The following SPG7 variants were observed in gnomAD, a reference collection of about 807,000 sequenced individuals.
The protein encoded by SPG7 is mitochondrial inner membrane m-AAA protease component paraplegin.
In SPG7, 103 loss-of-function variants were observed where a neutral mutation model predicts 81.9. That is an observed-to-expected ratio of 1.26 (90% CI 1.07 to 1.48). The LOEUF (loss-of-function observed/expected upper bound fraction) is 1.48, where lower values mean the gene tolerates loss of function less well. Among genes scored for constraint, SPG7 ranks in the 40% most tolerant of loss-of-function variants. The pLI, the probability that SPG7 is intolerant of heterozygous loss-of-function variation, is 0.00. For missense variants in SPG7, 1,241 were observed against 1,087.3 expected (o/e 1.14, Z -1.99); for synonymous variants, 534 against 444.2 (o/e 1.20, Z -2.54).
At chr16:89,524,914 G>T (rs1178529648) in intron 4 of SPG7, among the ~76,000 whole-genome samples, 1 of 151,882 alleles carries the variant, frequency 6.6e-6, no homozygotes, top group African/African-American at 2.4e-5. Context: ...CCCTTTGCTG[G>T]GTTACTCAGG....
intron 13 of SPG7, chr16:89,552,689 C>T (rs536624991): frequency 4.6e-5 from 20 of 437,056 alleles, no homozygotes; most frequent in South Asian, 2.3e-4. Context: ...ACTTGTCCTT[C>T]GCCTCTCAGC....
chr16:89,533,892 G>A (rs1449481098), intron 9 of SPG7: 1 of 152,154 alleles, frequency 6.6e-6, no homozygotes, highest in Non-Finnish European at 1.5e-5. Context: ...CCAGCTGTTG[G>A]GGAGGCCGAG....
At chr16:89,531,361 A>T (rs764114220) in intron 7 of SPG7, 5 of 187,170 alleles carry the variant, frequency 2.7e-5, no homozygotes, top group Non-Finnish European at 5.7e-5. Context: ...TCTCTGCAAA[A>T]CATTTTTTTA....
At chr16:89,528,921 C>T (rs2058304682) in intron 5 of SPG7, 1 of 184,916 alleles carries the variant, frequency 5.4e-6, no homozygotes, top group South Asian at 1.0e-4. Flanking sequence ...AAGCATTTCT[C>T]CTGCCTCAGC....
chr16:89,517,308 G>A (rs2058112007), intron 3 of SPG7: 1 of 151,496 alleles, frequency 6.6e-6, no homozygotes, highest in Admixed American at 6.6e-5. Flanking sequence ...GGCAGCCTCC[G>A]TTGTCATGGT....
intron 6 of SPG7, chr16:89,529,897 C>T (rs368207552): frequency 6.5e-5 from 25 of 383,730 alleles, no homozygotes; most frequent in African/African-American, 4.2e-4. Flanking sequence ...TGGAGTGCAG[C>T]CGTGCGATCT....
chr16:89,534,031 A>G (rs1267969281), intron 9 of SPG7, among the ~76,000 whole-genome samples: 4 of 152,290 alleles, frequency 2.6e-5, no homozygotes, highest in African/African-American at 7.2e-5. Flanking sequence ...ATACGTTCAC[A>G]TAGATTTACC....
At chr16:89,528,430 G>C (rs1367187003) in intron 5 of SPG7, among the ~76,000 whole-genome samples, 2 of 151,104 alleles carry the variant, frequency 1.3e-5, no homozygotes, top group African/African-American at 4.9e-5. Flanking sequence ...TGGAGGTTTG[G>C]GGCAGGCCCA....
At position 89,508,489 on chromosome 16, in the gene SPG7, C is replaced by G; in HGVS notation, c.72C>G (p.Gly24=). ...GCCCGGGTCCTCGGCCGCTGTGGGG[C>G]CCAGGCCCGGCCTGGAGTCCAGGGT... is the stretch of plus-strand genomic sequence containing the variant. ...GPGPGPRPLW[G]PGPAWSPGFP... Residue 24 remains glycine (G), a synonymous_variant, in exon 1 of 17, where the codon GGC becomes GGG. Coordinates refer to ENST00000645818, the MANE Select transcript of SPG7 (RefSeq NM_003119.4). 1 of 1,510,490 alleles carries G rather than the reference C, an allele frequency of 6.6e-7. No homozygotes were observed. The highest frequency in any genetic ancestry group is 2.3e-4 in the Middle Eastern group (1 of 4,308). The allele number at this position is 1,510,490 out of a possible 1,614,324, so 93.6% of individuals were successfully genotyped here. A position where few individuals can be genotyped will look rare whatever the true frequency, so the allele number is the denominator to read the frequency against.
At chr16:89,544,884 C>G in intron 10 of SPG7, 112 bp downstream of exon 10, 1 of 1,362,622 alleles carries the variant, frequency 7.3e-7, no homozygotes, top group Non-Finnish European at 1.0e-6. Context: ...GTCACAGCCC[C>G]ACAGGTGCTG....
Position 89,557,010 on chromosome 16 carries a change from G to C in SPG7, c.2305G>C (p.Glu769Gln). The C allele has an allele frequency of 2.5e-6, 4 of 1,613,786 alleles. 1 individual carries two copies. In the South Asian group the frequency reaches 4.4e-5, roughly 18 times the overall value. Residue 769 changes from glutamate (E) to glutamine (Q), a missense_variant, in exon 17 of 17, where the codon GAG becomes CAG. By Grantham distance (29) the Glu-to-Gln change is conservative. Coordinates refer to ENST00000645818, the MANE Select transcript of SPG7 (RefSeq NM_003119.4). ...APQRWIDAQR[E>Q]KQDLGEEETE... The stretch of plus-strand genomic sequence containing the variant: ...GCAGAGGTGGATCGACGCCCAGAGG[G>C]AGAAACAGGACTTGGGCGAGGAGGA...
At chr16:89,537,224 A>C in intron 9 of SPG7, 1 of 1,425,420 alleles carries the variant, frequency 7.0e-7, no homozygotes, top group Non-Finnish European at 9.1e-7. Context: ...TGGGGAAGAG[A>C]AAAGCCCAAG....
rs1261977612 is a variant in SPG7 at position 89,557,528 on chromosome 16, AGCC to A, written c.*437_*439del. The A allele has an allele frequency of 4.5e-6, 1 of 224,308 alleles. No homozygotes were observed. The highest frequency in any genetic ancestry group is 1.1e-4 in the East Asian group (1 of 8,880). The allele number at this position is 224,308 out of a possible 1,614,324, so 13.9% of individuals were successfully genotyped here. A position where few individuals can be genotyped will look rare whatever the true frequency, so the allele number is the denominator to read the frequency against. ...GGATCGGACATGAAAGGACCCTGTG[AGCC>A]GATTGTCCTATCTCCAGCGGCCCTG... is the stretch of plus-strand genomic sequence containing the variant. On this transcript the variant is annotated 3_prime_UTR_variant, in exon 17 of 17. Transcript: ENST00000645818.
chr16:89,551,524 G>C (rs2058634160), intron 13 of SPG7: 1 of 152,342 alleles, frequency 6.6e-6, no homozygotes, highest in Admixed American at 6.5e-5. Context: ...CCAGAGCTAG[G>C]CCCACTGTGG....
Position 89,508,444 on chromosome 16 carries a change from T to A in SPG7, c.27T>A (p.Arg9=). 1 of 1,502,218 alleles carries A rather than the reference T, an allele frequency of 6.7e-7. No individual in the cohort carries two copies. Among genetic ancestry groups the A allele is most frequent in the African/African-American group, 1.5e-5 (1 of 68,822 alleles). The allele number at this position is 1,502,218 out of a possible 1,614,324, so 93.1% of individuals were successfully genotyped here. The change falls in exon 1 of 17, where the codon CGT becomes CGA. Residue 9 remains arginine (R), a synonymous_variant. Coordinates refer to ENST00000645818, the MANE Select transcript of SPG7 (RefSeq NM_003119.4). MAVLLLLL[R]ALRRGPGPGP... ...TGGCCGTGCTGCTGCTGCTGCTCCG[T>A]GCCCTCCGCCGGGGTCCAGGCCCGG...
At chr16:89,511,205 G>A (rs191149913) in intron 2 of SPG7, among the ~76,000 whole-genome samples, 34 of 152,212 alleles carry the variant, frequency 2.2e-4, no homozygotes, top group Admixed American at 4.6e-4. Flanking sequence ...AAGGTTTTTC[G>A]TGTTATCTAG....
intron 16 of SPG7, chr16:89,555,041 G>A (rs567183293): frequency 2.8e-5 from 5 of 176,740 alleles, no homozygotes; most frequent in East Asian, 3.2e-4. Flanking sequence ...TCAGCCTCCC[G>A]AGTAGCTGCG....
rs1189731437 is a variant in SPG7 at position 89,557,376 on chromosome 16, A to G, written c.*283A>G. On this transcript the variant is annotated 3_prime_UTR_variant, in exon 17 of 17. Transcript: ENST00000645818. ...ACACTTCGAGTTCCCAGGGTTATAGACAGTCGTTCCCAGTGTGGCTGAGGC... is the reference window on the plus strand; with the variant it reads ...ACACTTCGAGTTCCCAGGGTTATAGGCAGTCGTTCCCAGTGTGGCTGAGGC... The G allele has an allele frequency of 6.4e-6, 3 of 470,450 alleles. No homozygotes were observed. The highest frequency in any genetic ancestry group is 4.1e-5 in the East Asian group (1 of 24,518). The allele number at this position is 470,450 out of a possible 1,614,324, so 29.1% of individuals were successfully genotyped here.
intron 3 of SPG7, 152 bp from the exon 4 acceptor site, chr16:89,523,854 A>G (rs1361747530): frequency 2.0e-6 from 2 of 986,902 alleles, no homozygotes; most frequent in Non-Finnish European, 1.6e-6. Context: ...TGTCTCTGAT[A>G]ACGTCAGGGA....
Sources: allele counts gnomAD v4.1 joint callset (sites outside exome capture counted in the v4.1 genomes callset), GRCh38; gene constraint gnomAD v4.1.1; transcripts MANE v1.5; gene names NCBI Gene and HGNC (gene_info 2026-07-23, HGNC 2026-07-21).